PCDHA5: variants seen among roughly 807,000 people sequenced by gnomAD.
The protein encoded by PCDHA5 is protocadherin alpha-5.
In PCDHA5, 43 loss-of-function variants were observed where a neutral mutation model predicts 61.6. That is an observed-to-expected ratio of 0.70 (90% CI 0.55 to 0.90). The LOEUF (loss-of-function observed/expected upper bound fraction) is 0.90. Ranked by LOEUF, PCDHA5 falls within the 40% of genes least tolerant of loss-of-function variation. The pLI, the probability that PCDHA5 is intolerant of heterozygous loss-of-function variation, is 0.00. For synonymous variants in PCDHA5, 627 were observed against 543.9 expected, an observed-to-expected ratio of 1.15 and a Z score of -2.13; for missense variants, 1,298 against 1,222.7, an observed-to-expected ratio of 1.06 and a Z score of -0.92.
At chr5:140,863,261 A>G (rs782771328) in intron 1 of PCDHA5, 17 of 1,449,886 alleles carry the variant, frequency 1.2e-5, no homozygotes, top group Non-Finnish European at 1.4e-5. Context: ...GAGGTCCGGG[A>G]GGCAGCGCTG....
intron 1 of PCDHA5, among the ~76,000 whole-genome samples, chr5:140,837,576 C>T (rs2150276796): frequency 1.3e-5 from 2 of 151,950 alleles, no homozygotes; most frequent in African/African-American, 4.8e-5. Flanking sequence ...TTACAATCAC[C>T]AAATTGTAAA....
chr5:140,850,733 G>T (rs2150496499), intron 1 of PCDHA5: 1 of 1,598,010 alleles, frequency 6.3e-7, no homozygotes, highest in East Asian at 2.2e-5. Context: ...GCGCGGTGGG[G>T]AGTTGGTCGT....
At chr5:140,833,334 G>A (rs2150207587) in intron 1 of PCDHA5, among the ~76,000 whole-genome samples, 2 of 152,176 alleles carry the variant, frequency 1.3e-5, no homozygotes, top group Non-Finnish European at 2.9e-5. Context: ...GAACATTGGA[G>A]TGAAACATTC....
At chr5:140,948,527 A>G (rs902965857) in intron 1 of PCDHA5, among the ~76,000 whole-genome samples, 7 of 151,560 alleles carry the variant, frequency 4.6e-5, no homozygotes, top group Non-Finnish European at 8.9e-5. Context: ...CACTATTTAT[A>G]TTTTATTTCA....
At chr5:140,976,742 AC>A (rs1170747899) in intron 1 of PCDHA5, among the ~76,000 whole-genome samples, 1 of 151,778 alleles carries the variant, frequency 6.6e-6, no homozygotes, top group Admixed American at 6.6e-5. Context: ...CATTTTAAAA[AC>A]CTCCCAGATG....
intron 1 of PCDHA5, chr5:140,848,930 C>G: frequency 1.2e-6 from 2 of 1,607,642 alleles, no homozygotes; most frequent in Non-Finnish European, 1.7e-6. Flanking sequence ...TCGCGGAATC[C>G]AGGCCGCTTG....
At chr5:140,851,854 G>A (rs1187203228) in intron 1 of PCDHA5, 1 of 972,298 alleles carries the variant, frequency 1.0e-6, no homozygotes, top group East Asian at 1.1e-4. Flanking sequence ...TCTCCTCTCA[G>A]CTCATACATA....
chr5:140,976,776 C>T (rs1554237952), intron 1 of PCDHA5, among the ~76,000 whole-genome samples: 1 of 152,184 alleles, frequency 6.6e-6, no homozygotes. Context: ...TAGACTCTGA[C>T]TATATAGCTA....
At chr5:140,926,320 C>T (rs555057115) in intron 1 of PCDHA5, 1 of 152,240 alleles carries the variant, frequency 6.6e-6, no homozygotes, top group Non-Finnish European at 1.5e-5. Context: ...AGAGGTGCGC[C>T]GGGGTCAGAG....
At chr5:140,836,287 G>T in intron 1 of PCDHA5, 2 of 1,613,786 alleles carry the variant, frequency 1.2e-6, no homozygotes, top group Non-Finnish European at 8.5e-7. Flanking sequence ...AGCACGACAC[G>T]AGCCCTAGAT....
chr5:140,843,498 T>C (rs1554140141), intron 1 of PCDHA5: 1 of 1,595,918 alleles, frequency 6.3e-7, no homozygotes, highest in Admixed American at 1.7e-5. Flanking sequence ...TGCTCAGCAC[T>C]GCCCACTGAG....
intron 1 of PCDHA5, chr5:140,843,069 G>A (rs2150351711): frequency 5.6e-6 from 9 of 1,595,200 alleles, no homozygotes; most frequent in Admixed American, 1.7e-5. Flanking sequence ...CTGGTGCCGC[G>A]GTCTGTGGGC....
At chr5:140,834,844 T>C in intron 1 of PCDHA5, 2 of 1,611,130 alleles carry the variant, frequency 1.2e-6, no homozygotes, top group Non-Finnish European at 1.7e-6. Flanking sequence ...CGGTTTCCAC[T>C]AGAGGGCGCG....
At chr5:140,907,170 TG>T (rs1318866379) in intron 1 of PCDHA5, among the ~76,000 whole-genome samples, 1 of 152,188 alleles carries the variant, frequency 6.6e-6, no homozygotes. Flanking sequence ...TATTGGATGC[TG>T]ATTCAGAGCA....
At chr5:140,997,044 T>C (rs2097756836) in intron 3 of PCDHA5, among the ~76,000 whole-genome samples, 1 of 152,180 alleles carries the variant, frequency 6.6e-6, no homozygotes, top group South Asian at 2.1e-4. Flanking sequence ...TGAACTTTAC[T>C]TTTTAGAGCA....
chr5:140,905,215 AAGGTG>A (rs2071683869), intron 1 of PCDHA5, among the ~76,000 whole-genome samples: 1 of 152,186 alleles, frequency 6.6e-6, no homozygotes, highest in Non-Finnish European at 1.5e-5. Flanking sequence ...ATTTTTGTGT[AAGGTG>A]AGAGATGAGG....
chr5:140,994,519 A>G (rs1378534275), intron 3 of PCDHA5, among the ~76,000 whole-genome samples: 2 of 148,690 alleles, frequency 1.3e-5, no homozygotes, highest in Non-Finnish European at 3.0e-5. Context: ...CCTGGGCAAC[A>G]TGGCAAAACC....
intron 3 of PCDHA5, among the ~76,000 whole-genome samples, chr5:141,002,446 G>T (rs1456078562): frequency 1.3e-5 from 2 of 152,156 alleles, no homozygotes; most frequent in Admixed American, 6.5e-5. Context: ...ATAATAATTG[G>T]CACATTTGTA....
chr5:140,988,418 G>T (rs1372180292), intron 3 of PCDHA5, among the ~76,000 whole-genome samples: 2 of 152,150 alleles, frequency 1.3e-5, no homozygotes, highest in Non-Finnish European at 2.9e-5. Context: ...CTTATGTAAA[G>T]AATTTGTTTG....
Sources: allele counts gnomAD v4.1 joint callset (sites outside exome capture counted in the v4.1 genomes callset), GRCh38; gene constraint gnomAD v4.1.1; transcripts MANE v1.5; gene names NCBI Gene and HGNC (gene_info 2026-07-23, HGNC 2026-07-21).